TIAM1: variants seen among roughly 807,000 people sequenced by gnomAD.
The protein encoded by TIAM1 is rho guanine nucleotide exchange factor TIAM1.
A neutral mutation model predicts 163.5 loss-of-function variants in TIAM1; 65 were observed. That is an observed-to-expected ratio of 0.40 (90% CI 0.33 to 0.49). TIAM1 has a LOEUF of 0.49. TIAM1 is among the 20% of genes least tolerant of loss of function. The pLI, the probability that TIAM1 is intolerant of heterozygous loss-of-function variation, is 0.77. For missense variants in TIAM1, 1,789 were observed against 2,044.7 expected, an observed-to-expected ratio of 0.87 and a Z score of 2.41; for synonymous variants, 833 against 810.1, an observed-to-expected ratio of 1.03 and a Z score of -0.48.
intron 2 of TIAM1, among the ~76,000 whole-genome samples, chr21:31,369,113 C>G (rs1473777262): frequency 6.6e-6 from 1 of 151,566 alleles, no homozygotes; most frequent in Admixed American, 6.6e-5. Flanking sequence ...GTAGTCTCAG[C>G]TTCTTGGGAG....
In TIAM1 at chr21:31,337,675, G is replaced by A. The variant is rs765114900; in HGVS notation, c.-189+1568C>T. The stretch of plus-strand genomic sequence containing the variant: ...GCCTCCCGCGTAGCTGAGATTACAG[G>A]TATGTGCCACCACACCGGGCTAATT... On this transcript the variant is annotated intron_variant, in intron 2 of 27. Coordinates refer to ENST00000541036, the MANE Select transcript of TIAM1 (RefSeq NM_001353694.2). 2.0e-5 allele frequency among the ~76,000 whole-genome samples: 3 copies of A among 151,914 alleles called. No individual in the cohort carries two copies. The South Asian group carries it at 6.2e-4, about 32-fold the overall frequency.
chr21:31,211,281 T>A (rs527680479), intron 10 of TIAM1, among the ~76,000 whole-genome samples: 1 of 152,304 alleles, frequency 6.6e-6, no homozygotes, highest in South Asian at 2.1e-4. Flanking sequence ...AGGATGTTCC[T>A]TAGCTTGATA....
intron 6 of TIAM1, among the ~76,000 whole-genome samples, chr21:31,229,070 T>C (rs1470367726): frequency 2.0e-5 from 3 of 152,090 alleles, no homozygotes; most frequent in Admixed American, 6.5e-5. Context: ...CAAGATGAGA[T>C]TTGGGTGGGG....
chr21:31,382,736 C>G (rs535669297), intron 2 of TIAM1, among the ~76,000 whole-genome samples: 4 of 152,198 alleles, frequency 2.6e-5, no homozygotes, highest in South Asian at 4.1e-4. Flanking sequence ...AAGTCAAGGT[C>G]TTTGCTACAA....
At chr21:31,292,653 AGCCACCGT>A (rs1335785776) in intron 2 of TIAM1, among the ~76,000 whole-genome samples, 2 of 142,904 alleles carry the variant, frequency 1.4e-5, no homozygotes, top group African/African-American at 5.3e-5. Context: ...TACAGGCATG[AGCCACCGT>A]GCCTGGCACT....
intron 16 of TIAM1, among the ~76,000 whole-genome samples, chr21:31,161,798 T>C (rs2083935978): frequency 6.6e-6 from 1 of 152,214 alleles, no homozygotes; most frequent in African/African-American, 2.4e-5. Flanking sequence ...CTTCCGAGTT[T>C]AGACAGCTAA....
At position 31,154,444 on chromosome 21, in the gene TIAM1, G is replaced by A; in HGVS notation, c.2992-18C>T. 4 of 1,607,334 alleles carry A rather than the reference G, an allele frequency of 2.5e-6. No homozygotes were observed. Among genetic ancestry groups the A allele is most frequent in the African/African-American group, 2.7e-5 (2 of 74,896 alleles). On this transcript the variant is annotated intron_variant, in intron 16 of 27. Transcript: ENST00000541036. ...TCTGTACTCTTCGGAGCACAGGGGG[G>A]AAGGGAAGGCAGAGGTCATTATCCC...
chr21:31,168,053 G>A lies in TIAM1; in HGVS notation c.2888-2988C>T, dbSNP rs554760972. ...TGCCTATACTTTGGGGTAGGAGGGT[G>A]GAAAAGGAATACAGCAGGTTTCTTC... On this transcript the variant is annotated intron_variant, in intron 15 of 27. Transcript: ENST00000541036. 1.5e-4 allele frequency among the ~76,000 whole-genome samples: 23 copies of A among 151,814 alleles called. 1 individual carries two copies. The South Asian group carries it at 4.6e-3, about 30-fold the overall frequency.
chr21:31,304,621 A>G (rs2074625759), intron 2 of TIAM1, among the ~76,000 whole-genome samples: 1 of 152,250 alleles, frequency 6.6e-6, no homozygotes, highest in Non-Finnish European at 1.5e-5. Context: ...TAAGACAAAA[A>G]GAATTTTTCA....
At chr21:31,375,740 G>GA in intron 2 of TIAM1, among the ~76,000 whole-genome samples, 1 of 152,174 alleles carries the variant, frequency 6.6e-6, no homozygotes, top group East Asian at 1.9e-4. Context: ...ATTAAGAGTA[G>GA]AAAAAAGGCC....
At chr21:31,294,311 C>T (rs183999972) in intron 2 of TIAM1, among the ~76,000 whole-genome samples, 23 of 152,330 alleles carry the variant, frequency 1.5e-4, no homozygotes, top group Admixed American at 1.5e-3. Flanking sequence ...GCTCAGGAGG[C>T]ACTCAGCCCC....
At chr21:31,446,687 A>T (rs2044636741) in intron 2 of TIAM1, among the ~76,000 whole-genome samples, 1 of 152,146 alleles carries the variant, frequency 6.6e-6, no homozygotes, top group African/African-American at 2.4e-5. Flanking sequence ...CAGGAAATAG[A>T]ACAAGAAAGA....
chr21:31,268,959 G>A (rs1157583627), intron 3 of TIAM1, among the ~76,000 whole-genome samples: 2 of 152,102 alleles, frequency 1.3e-5, no homozygotes, highest in Non-Finnish European at 2.9e-5. Flanking sequence ...GTTAGTCACA[G>A]CCCCATTTTA....
chr21:31,297,904 A>G (rs1344649997), intron 2 of TIAM1, among the ~76,000 whole-genome samples: 1 of 152,246 alleles, frequency 6.6e-6, no homozygotes, highest in Non-Finnish European at 1.5e-5. Flanking sequence ...CTCAAAAGGA[A>G]TACCAATTGC....
intron 1 of TIAM1, among the ~76,000 whole-genome samples, chr21:31,537,769 G>C (rs146852959): frequency 3.3e-5 from 5 of 151,910 alleles, no homozygotes; most frequent in African/African-American, 9.7e-5. Context: ...AAAAAAAAGA[G>C]AGAAAAGTAT....
rs34844399 is a variant in TIAM1 at position 31,438,179 on chromosome 21, CTTTTTTTTTT to C, written c.-369+25794_-369+25803del. ...ACATATGTAATTGCGTATTTGTGAT[CTTTTTTTTTT>C]TTTTTTTTTTTTTTTTTTTTGAGAC... On this transcript the variant is annotated intron_variant, in intron 2 of 28. Transcript: ENST00000286827. Among the ~76,000 whole-genome samples, 618 of 62,718 alleles carry C rather than the reference CTTTTTTTTTT, an allele frequency of 9.9e-3. 3 individuals are homozygous for C. The highest frequency in any genetic ancestry group is 0.026 in the African/African-American group (377 of 14,298). 41.1% of individuals were successfully genotyped at this position (62,718 alleles called of 152,430 possible). A position where few individuals can be genotyped will look rare whatever the true frequency, so the allele number is the denominator to read the frequency against.
At chr21:31,226,201 C>G (rs1404297461) in intron 6 of TIAM1, among the ~76,000 whole-genome samples, 5 of 152,216 alleles carry the variant, frequency 3.3e-5, no homozygotes, top group African/African-American at 4.8e-5. Context: ...TCTGCTCACT[C>G]AATGTACTTA....
intron 2 of TIAM1, among the ~76,000 whole-genome samples, chr21:31,429,873 C>T (rs544858922): frequency 2.0e-5 from 3 of 152,264 alleles, no homozygotes; most frequent in South Asian, 2.1e-4. Flanking sequence ...CAGCCAGAGG[C>T]AGAGACAACA....
At position 31,395,978 on chromosome 21, in the gene TIAM1, T is replaced by A. The variant is rs965569097; in HGVS notation, c.-368-56556A>T. On this transcript the variant is annotated intron_variant, in intron 2 of 28. Coordinates refer to the TIAM1 transcript ENST00000286827. This position sits in a 1 kb window ranked among gnomAD's most constrained non-coding sequence, Gnocchi z 7.5. ...TTCAACAGGAACATGGCTTTTTTCC[T>A]CCGTAATGGCTGTGAAATTGATTGG... is the stretch of plus-strand genomic sequence containing the variant. 6.6e-6 allele frequency among the ~76,000 whole-genome samples: 1 copy of A among 152,164 alleles called. No individual in the cohort carries two copies. Among genetic ancestry groups the A allele is most frequent in the Non-Finnish European group, 1.5e-5 (1 of 68,026 alleles).
Sources: gnomAD v4.1 joint callset for allele counts (sites outside exome capture counted in the v4.1 genomes callset) on GRCh38, gnomAD v4.1.1 for gene constraint, Gnocchi (gnomAD v3.1) non-coding constraint, MANE v1.5 for transcripts, NCBI Gene and HGNC (gene_info 2026-07-23, HGNC 2026-07-21) for gene names.